PARD3B: variants seen among roughly 807,000 people sequenced by gnomAD.
PARD3B encodes the protein partitioning defective 3 homolog B.
PARD3B carries 103 observed loss-of-function variants against 130.2 expected under a neutral mutation model. That is an observed-to-expected ratio of 0.79 (90% CI 0.67 to 0.93). The LOEUF is 0.93. PARD3B is among the 40% of genes least tolerant of loss of function. The pLI, the probability that PARD3B is intolerant of heterozygous loss-of-function variation, is 0.00. For synonymous variants in PARD3B, 583 were observed against 553.2 expected (o/e 1.05, Z -0.76); for missense variants, 1,609 against 1,499.2 (o/e 1.07, Z -1.21).
intron 2 of PARD3B, among the ~76,000 whole-genome samples, chr2:204,763,766 C>T (rs1258998926): frequency 6.6e-6 from 1 of 152,114 alleles, no homozygotes; most frequent in Non-Finnish European, 1.5e-5. Flanking sequence ...TCTCCTGTGC[C>T]TGGTGTATAT....
chr2:204,700,499 G>A (rs1281522753), intron 2 of PARD3B, among the ~76,000 whole-genome samples: 1 of 152,012 alleles, frequency 6.6e-6, no homozygotes, highest in East Asian at 1.9e-4. Flanking sequence ...ATATAGCTCT[G>A]GATTGAATTT....
At position 205,311,819 on chromosome 2, in the gene PARD3B, A is replaced by T. The variant is rs149428001; in HGVS notation, c.2630+10118A>T. On this transcript the variant is annotated intron_variant, in intron 18 of 22. Transcript: ENST00000406610. Reference sequence around the variant, plus strand: ...AAAGCAAAACCTTCTATTGCAGAATACAAATAGAAAGGGTCTCAAAAGGAT... The same window carrying T: ...AAAGCAAAACCTTCTATTGCAGAATTCAAATAGAAAGGGTCTCAAAAGGAT... 4.6e-3 allele frequency among the ~76,000 whole-genome samples: 694 copies of T among 152,350 alleles called. 5 individuals are homozygous for T. Among genetic ancestry groups the T allele is most frequent in the African/African-American group, 0.016 (655 of 41,582 alleles).
chr2:204,779,849 A>G (rs1411614956), intron 2 of PARD3B, among the ~76,000 whole-genome samples: 1 of 152,182 alleles, frequency 6.6e-6, no homozygotes, highest in Non-Finnish European at 1.5e-5. Context: ...ATTCTAAGCA[A>G]AGTAAGGTCT....
At chr2:205,467,098 G>T (rs1217829792) in intron 20 of PARD3B, among the ~76,000 whole-genome samples, 4 of 152,326 alleles carry the variant, frequency 2.6e-5, no homozygotes, top group Admixed American at 2.6e-4. Context: ...TCATAAACAA[G>T]CACAAAGGTT....
chr2:205,017,247 A>T (rs903521412), intron 3 of PARD3B, among the ~76,000 whole-genome samples: 14 of 152,192 alleles, frequency 9.2e-5, no homozygotes, highest in African/African-American at 3.4e-4. Flanking sequence ...ACAGAACATT[A>T]TACCCTAACT....
chr2:205,094,205 C>G (rs1702272468), intron 4 of PARD3B, among the ~76,000 whole-genome samples: 1 of 152,056 alleles, frequency 6.6e-6, no homozygotes, highest in African/African-American at 2.4e-5. Context: ...TTTTTTGAAA[C>G]TAGAGGCTTC....
chr2:204,630,016 A>T (rs1260694208), intron 1 of PARD3B, among the ~76,000 whole-genome samples: 1 of 152,044 alleles, frequency 6.6e-6, no homozygotes. Flanking sequence ...GTGCTCCTAT[A>T]CTCTCTGTAC....
chr2:204,637,947 G>A (rs528187206), intron 1 of PARD3B, among the ~76,000 whole-genome samples: 1 of 152,154 alleles, frequency 6.6e-6, no homozygotes, highest in Non-Finnish European at 1.5e-5. Context: ...TGGTTGTGAG[G>A]ATGGCAAAGT....
Position 205,287,059 on chromosome 2 carries a change from G to A in PARD3B, c.2186-13471G>A, listed in dbSNP as rs905294714. ...CACTTGTAAAATCCATGCAGCAACA[G>A]ACTGGAACATGCCTGTCTATAAGCT... On this transcript the variant is annotated intron_variant, in intron 16 of 22. Transcript: ENST00000406610. This position sits in a 1 kb window ranked among gnomAD's most constrained non-coding sequence, Gnocchi z 4.8. 1.3e-5 allele frequency among the ~76,000 whole-genome samples: 2 copies of A among 152,150 alleles called. No individual in the cohort carries two copies. The highest frequency in any genetic ancestry group is 2.9e-5 in the Non-Finnish European group (2 of 68,028).
chr2:205,003,169 C>T (rs963001238), intron 3 of PARD3B, among the ~76,000 whole-genome samples: 4 of 152,186 alleles, frequency 2.6e-5, no homozygotes, highest in Non-Finnish European at 4.4e-5. Flanking sequence ...TGTGCCATTT[C>T]GACATTGACT....
intron 15 of PARD3B, among the ~76,000 whole-genome samples, chr2:205,233,285 C>G (rs905713004): frequency 6.6e-6 from 1 of 151,858 alleles, no homozygotes; most frequent in Admixed American, 6.6e-5. Context: ...AAATATTTTT[C>G]TAAAACAAAG....
chr2:204,794,866 C>T (rs548517141), intron 2 of PARD3B, among the ~76,000 whole-genome samples: 7 of 152,232 alleles, frequency 4.6e-5, no homozygotes, highest in African/African-American at 1.7e-4. Context: ...GATTATGGCC[C>T]TTGCCTTTGA....
chr2:205,156,691 C>T (rs1277607052), intron 10 of PARD3B, among the ~76,000 whole-genome samples: 3 of 152,060 alleles, frequency 2.0e-5, no homozygotes, highest in Non-Finnish European at 4.4e-5. Context: ...TGACAATAAA[C>T]CTCACAGGTT....
intron 14 of PARD3B, among the ~76,000 whole-genome samples, chr2:205,188,163 A>C (rs73059251): frequency 3.9e-3 from 600 of 152,362 alleles, no homozygotes; most frequent in African/African-American, 0.013. Flanking sequence ...GGAGTTGTCA[A>C]GTAAGTTTTC....
At chr2:205,390,610 T>G (rs1300292682) in intron 18 of PARD3B, among the ~76,000 whole-genome samples, 1 of 152,238 alleles carries the variant, frequency 6.6e-6, no homozygotes, top group Non-Finnish European at 1.5e-5. Context: ...ATCATTTTAT[T>G]CTTGTTTAGT....
intron 3 of PARD3B, among the ~76,000 whole-genome samples, chr2:204,981,532 A>T (rs1426076760): frequency 6.6e-6 from 1 of 152,236 alleles, no homozygotes; most frequent in African/African-American, 2.4e-5. Flanking sequence ...GCTATAAAAA[A>T]ATTAAAATGA....
chr2:205,023,798 A>AG (rs1485689944), intron 3 of PARD3B, among the ~76,000 whole-genome samples: 4 of 152,122 alleles, frequency 2.6e-5, no homozygotes, highest in Non-Finnish European at 4.4e-5. Context: ...TGCTGAGTTA[A>AG]GACTACACTG....
At chr2:204,901,696 T>C (rs1223701982) in intron 2 of PARD3B, among the ~76,000 whole-genome samples, 1 of 151,820 alleles carries the variant, frequency 6.6e-6, no homozygotes, top group Non-Finnish European at 1.5e-5. Context: ...GCTGGGAATG[T>C]GCTGGGTCAC....
At chr2:205,326,046 C>T (rs10932104) in intron 18 of PARD3B, among the ~76,000 whole-genome samples, 92,335 of 151,932 alleles carry the variant, frequency 0.61, 31,074 homozygotes, top group South Asian at 0.77. Flanking sequence ...GTGAAGTATA[C>T]TGTTACCAGG....
Sources: gnomAD v4.1 joint callset for allele counts (sites outside exome capture counted in the v4.1 genomes callset) on GRCh38, gnomAD v4.1.1 for gene constraint, Gnocchi (gnomAD v3.1) non-coding constraint, MANE v1.5 for transcripts, NCBI Gene and HGNC (gene_info 2026-07-23, HGNC 2026-07-21) for gene names.